WDR41: variants seen among roughly 807,000 people sequenced by gnomAD.
The protein encoded by WDR41 is WD repeat-containing protein 41.
A neutral mutation model predicts 69.3 loss-of-function variants in WDR41; 63 were observed. That is an observed-to-expected ratio of 0.91 (90% CI 0.74 to 1.12). The LOEUF (loss-of-function observed/expected upper bound fraction) is 1.12, where lower values mean the gene tolerates loss of function less well. WDR41 is among the 50% of genes most tolerant of loss of function. The probability of loss-of-function intolerance (pLI) is 0.00; values close to 1 mark genes in which losing one functional copy is unlikely to be tolerated. For synonymous variants in WDR41, 185 were observed against 192.1 expected (o/e 0.96, Z 0.31); for missense variants, 543 against 534.5 (o/e 1.02, Z -0.16).
chr5:77,504,474 A>C (rs1490376519), intron 1 of WDR41, among the ~76,000 whole-genome samples: 2 of 152,212 alleles, frequency 1.3e-5, no homozygotes, highest in Admixed American at 6.5e-5. Flanking sequence ...ATTCCTTCTG[A>C]AACTATTCCA....
chr5:77,474,386 T>C (rs1431570801), intron 2 of WDR41, among the ~76,000 whole-genome samples: 4 of 152,082 alleles, frequency 2.6e-5, no homozygotes, highest in Non-Finnish European at 4.4e-5. Context: ...TGTACACATA[T>C]GTAACTAACC....
intron 1 of WDR41, among the ~76,000 whole-genome samples, chr5:77,521,921 G>A (rs1561213836): frequency 6.6e-6 from 1 of 152,210 alleles, no homozygotes. Flanking sequence ...AGTCTTTTAA[G>A]CCGTAGGTCT....
In WDR41 at chr5:77,620,503, A is replaced by T. The variant is rs35707197; in HGVS notation, c.18T>A (p.Cys6Ter). 0.012 allele frequency: 4,818 copies of T among 386,208 alleles called. 38 individuals are homozygous for T. The highest frequency in any genetic ancestry group is 0.018 in the Non-Finnish European group (3,570 of 199,302). The allele number at this position is 386,208 out of a possible 1,614,324, so 23.9% of individuals were successfully genotyped here. A position where few individuals can be genotyped will look rare whatever the true frequency, so the allele number is the denominator to read the frequency against. The stretch of plus-strand genomic sequence containing the variant: ...CCTCACCAGTTTCCCCTGGACTTGA[A>T]CAATTAGCTTCATGCATACATAAAG... Residue 6 changes from cysteine to a stop codon, truncating the protein, a stop_gained, in exon 1 of 6, where the codon TGT (cysteine) becomes TGA (stop). Transcript: ENST00000509971. LOFTEE classifies it high-confidence loss of function.
At chr5:77,455,664 T>A (rs1361511393) in intron 5 of WDR41, among the ~76,000 whole-genome samples, 1 of 152,196 alleles carries the variant, frequency 6.6e-6, no homozygotes. Context: ...TTATTTTGTA[T>A]GTGGATGTCC....
At chr5:77,456,429 A>G (rs1354247213) in intron 5 of WDR41, among the ~76,000 whole-genome samples, 1 of 152,230 alleles carries the variant, frequency 6.6e-6, no homozygotes, top group Non-Finnish European at 1.5e-5. Context: ...TGTTGATATT[A>G]TATCCTGAAA....
At chr5:77,591,340 T>C (rs1400211806) in intron 1 of WDR41, among the ~76,000 whole-genome samples, 1 of 152,140 alleles carries the variant, frequency 6.6e-6, no homozygotes, top group African/African-American at 2.4e-5. Context: ...TATTAGCCTT[T>C]TCAAAGAACA....
At chr5:77,470,495 A>G (rs2151336148) in intron 2 of WDR41, among the ~76,000 whole-genome samples, 1 of 152,300 alleles carries the variant, frequency 6.6e-6, no homozygotes, top group African/African-American at 2.4e-5. Context: ...AATTGGATAA[A>G]GAGTCAAGAC....
intron 1 of WDR41, among the ~76,000 whole-genome samples, chr5:77,526,996 A>G (rs1802459176): frequency 6.6e-6 from 1 of 151,972 alleles, no homozygotes; most frequent in Non-Finnish European, 1.5e-5. Context: ...ACATCTATGG[A>G]ATCTTTTTAA....
At chr5:77,530,984 C>T (rs533118407) in intron 1 of WDR41, among the ~76,000 whole-genome samples, 2 of 151,620 alleles carry the variant, frequency 1.3e-5, no homozygotes, top group Admixed American at 1.3e-4. Context: ...ACCCTTACCT[C>T]GCTTGTTATA....
intron 1 of WDR41, among the ~76,000 whole-genome samples, chr5:77,518,114 A>G (rs148399314): frequency 1.1e-3 from 165 of 152,240 alleles, no homozygotes; most frequent in East Asian, 0.011. Flanking sequence ...CTCTTCTATG[A>G]GTTTTTAAGA....
At chr5:77,579,880 T>C (rs1743905396) in intron 1 of WDR41, among the ~76,000 whole-genome samples, 2 of 152,066 alleles carry the variant, frequency 1.3e-5, no homozygotes, top group South Asian at 4.1e-4. Flanking sequence ...ATATAATATA[T>C]GTGTAATATA....
At chr5:77,433,432 G>T in intron 12 of WDR41, 145 bp from the exon 13 acceptor site, 1 of 556,988 alleles carries the variant, frequency 1.8e-6, no homozygotes, top group Non-Finnish European at 2.9e-6. Context: ...TTTCAGTATT[G>T]GTAAGTCACA....
At chr5:77,523,737 G>A (rs1039238922) in intron 1 of WDR41, among the ~76,000 whole-genome samples, 46 of 152,020 alleles carry the variant, frequency 3.0e-4, no homozygotes, top group African/African-American at 9.4e-4. Context: ...TAACCATGCC[G>A]AAAAGAAAAA....
rs1328970728 is a variant in WDR41 at position 77,592,604 on chromosome 5, GA to G, written c.42+27874del. ...AGTATACAAATTAAAATCAGCAAAA[GA>G]AAAGGGCAACAGAGGTGTCCAAGAG... is the stretch of plus-strand genomic sequence containing the variant. On this transcript the variant is annotated intron_variant, in intron 1 of 5. Transcript: ENST00000509971. Among the ~76,000 whole-genome samples the G allele has an allele frequency of 2.6e-5, 4 of 152,246 alleles. No individual in the cohort carries two copies. The South Asian group carries it at 8.3e-4, about 32-fold the overall frequency.
At chr5:77,512,819 T>C (rs1046020672) in intron 1 of WDR41, among the ~76,000 whole-genome samples, 3 of 151,988 alleles carry the variant, frequency 2.0e-5, no homozygotes, top group Admixed American at 2.0e-4. Flanking sequence ...TTTAAAATTC[T>C]GAACACTGAA....
chr5:77,594,905 G>A lies in WDR41; in HGVS notation c.42+25574C>T, dbSNP rs181207464. ...ATTTATATCACTATTCTCCTTCAGA[G>A]CATTAGAAAATAGATTCATGGGCTT... is the stretch of plus-strand genomic sequence containing the variant. On this transcript the variant is annotated intron_variant, in intron 1 of 5. Coordinates refer to the WDR41 transcript ENST00000509971. 2.4e-3 allele frequency among the ~76,000 whole-genome samples: 371 copies of A among 152,272 alleles called. 1 individual carries two copies. Among genetic ancestry groups the A allele is most frequent in the African/African-American group, 8.3e-3 (346 of 41,550 alleles).
At chr5:77,524,596 T>C (rs911397637) in intron 1 of WDR41, among the ~76,000 whole-genome samples, 1 of 138,210 alleles carries the variant, frequency 7.2e-6, no homozygotes, top group Non-Finnish European at 1.5e-5. Flanking sequence ...TGTCTCCAAA[T>C]AAATAGATAA....
intron 1 of WDR41, among the ~76,000 whole-genome samples, chr5:77,587,889 G>A (rs1178971896): frequency 5.9e-5 from 9 of 152,140 alleles, no homozygotes; most frequent in African/African-American, 2.2e-4. Context: ...CAGCTAGAGC[G>A]CCATCTCCAA....
At chr5:77,456,610 A>T in intron 5 of WDR41, among the ~76,000 whole-genome samples, 1 of 152,186 alleles carries the variant, frequency 6.6e-6, no homozygotes, top group East Asian at 1.9e-4. Context: ...CCTCCAGTAC[A>T]ATGTTAAACA....
Sources: gnomAD v4.1 joint callset for allele counts (sites outside exome capture counted in the v4.1 genomes callset) on GRCh38, gnomAD v4.1.1 for gene constraint, MANE v1.5 for transcripts, NCBI Gene and HGNC (gene_info 2026-07-23, HGNC 2026-07-21) for gene names.